The following DGKH variants were observed in gnomAD, a reference collection of about 807,000 sequenced individuals.
DGKH encodes the protein diacylglycerol kinase eta, also known as DAG kinase eta.
Under a neutral mutation model 159.3 loss-of-function variants are expected in DGKH, and 90 were observed. The observed-to-expected ratio is 0.57, with a 90% confidence interval of 0.48 to 0.67. The LOEUF (loss-of-function observed/expected upper bound fraction) is 0.67, where lower values mean the gene tolerates loss of function less well. Ranked by LOEUF, DGKH falls within the 30% of genes least tolerant of loss-of-function variation. DGKH has a pLI of 0.00. For missense variants in DGKH, 1,181 were observed against 1,506.1 expected (o/e 0.78, Z 3.57); for synonymous variants, 536 against 553.8 (o/e 0.97, Z 0.45).
chr13:42,166,009 G>C (rs1334810464), intron 8 of DGKH, among the ~76,000 whole-genome samples: 1 of 152,036 alleles, frequency 6.6e-6, no homozygotes, highest in Non-Finnish European at 1.5e-5. Context: ...AGCAACTGTG[G>C]ATTTTGATAT....
rs2137909023 is a variant in DGKH, at chr13:42,146,002, C to A, written c.385-9289C>A. On this transcript the variant is annotated intron_variant, in intron 3 of 29. Transcript: ENST00000337343. ...TTCAAAATTCCGCCAGTAAAGGGTG[C>A]TAATAATAACTAATTTTTCCCAATT... Among the ~76,000 whole-genome samples, 3 of 152,224 alleles carry A rather than the reference C, an allele frequency of 2.0e-5. 1 individual carries two copies. In the East Asian group the frequency reaches 5.8e-4, roughly 29 times the overall value.
At chr13:42,217,776 G>A (rs1957838962) in intron 26 of DGKH, among the ~76,000 whole-genome samples, 1 of 152,076 alleles carries the variant, frequency 6.6e-6, no homozygotes, top group East Asian at 1.9e-4. Context: ...GCTCACGCCT[G>A]TAATTCCGGC....
intron 8 of DGKH, among the ~76,000 whole-genome samples, 169 bp downstream of exon 8, chr13:42,165,602 T>C (rs183176319): frequency 6.6e-6 from 1 of 152,278 alleles, no homozygotes; most frequent in Non-Finnish European, 1.5e-5. Context: ...AAAGAATATA[T>C]TTAAGTGAAA....
chr13:42,155,872 G>C, intron 5 of DGKH, 73 bp downstream of exon 5: 1 of 1,572,368 alleles, frequency 6.4e-7, no homozygotes, highest in Admixed American at 1.7e-5. Flanking sequence ...TGGTTTTATT[G>C]TAGCTTAAAA....
intron 13 of DGKH, among the ~76,000 whole-genome samples, chr13:42,182,743 T>C (rs1164665084): frequency 1.3e-5 from 2 of 152,210 alleles, no homozygotes; most frequent in African/African-American, 2.4e-5. Flanking sequence ...TGTGTGTGTG[T>C]GTGCTTGTGT....
intron 13 of DGKH, among the ~76,000 whole-genome samples, chr13:42,186,276 TG>T (rs1234797474): frequency 6.6e-6 from 1 of 152,238 alleles, no homozygotes; most frequent in Admixed American, 6.5e-5. Flanking sequence ...TTAAAAAAGC[TG>T]GTCATATACC....
intron 1 of DGKH, among the ~76,000 whole-genome samples, chr13:42,120,014 C>T (rs1315103152): frequency 1.3e-5 from 2 of 152,174 alleles, no homozygotes; most frequent in Non-Finnish European, 2.9e-5. Flanking sequence ...CTTTTGACCT[C>T]TCTCTATGGC....
intron 13 of DGKH, among the ~76,000 whole-genome samples, chr13:42,182,409 T>C (rs894382409): frequency 6.6e-5 from 10 of 152,146 alleles, no homozygotes; most frequent in Non-Finnish European, 4.4e-5. Flanking sequence ...CCTCCCTCTC[T>C]ATCCATGGGG....
intron 1 of DGKH, among the ~76,000 whole-genome samples, chr13:42,042,906 C>T (rs921949368): frequency 1.3e-5 from 2 of 152,058 alleles, no homozygotes; most frequent in Non-Finnish European, 2.9e-5. Flanking sequence ...GACAATTTAT[C>T]CAAATTACTA....
intron 1 of DGKH, among the ~76,000 whole-genome samples, chr13:42,085,199 G>A (rs1954279226): frequency 6.6e-6 from 1 of 151,948 alleles, no homozygotes; most frequent in Non-Finnish European, 1.5e-5. Flanking sequence ...AGTCTTTATA[G>A]GGCATGCGAA....
chr13:42,083,565 A>G (rs941618609), intron 1 of DGKH, among the ~76,000 whole-genome samples: 1 of 152,224 alleles, frequency 6.6e-6, no homozygotes, highest in Non-Finnish European at 1.5e-5. Flanking sequence ...GTAGGCGTGG[A>G]AGTACCTTCC....
intron 27 of DGKH, 137 bp downstream of exon 27, chr13:42,219,486 G>GCC: frequency 7.2e-7 from 1 of 1,381,170 alleles, no homozygotes; most frequent in Non-Finnish European, 9.8e-7. Flanking sequence ...TTGAACAAAT[G>GCC]AGAAAAGGCA....
chr13:42,048,022 G>C (rs1880920580), upstream of DGKH, among the ~76,000 whole-genome samples: 1 of 151,680 alleles, frequency 6.6e-6, no homozygotes. The surrounding 1 kb of genome is among the most constrained non-coding windows in gnomAD (Gnocchi z 6.7). Context: ...GCGCCGGATG[G>C]GGGTGGGGGT....
At chr13:42,058,924 C>A (rs1881945383) in intron 1 of DGKH, among the ~76,000 whole-genome samples, 1 of 152,132 alleles carries the variant, frequency 6.6e-6, no homozygotes, top group Non-Finnish European at 1.5e-5. Context: ...TGGATTTTGA[C>A]ATGAGGGGGA....
intron 23 of DGKH, 35 bp from the exon 24 acceptor site, chr13:42,210,567 A>T (rs778265895): frequency 1.3e-6 from 2 of 1,597,028 alleles, no homozygotes; most frequent in South Asian, 2.3e-5. Context: ...CTGAGTTCTA[A>T]ACTAACAATT....
intron 20 of DGKH, among the ~76,000 whole-genome samples, chr13:42,202,549 A>G (rs1246006428): frequency 6.6e-6 from 1 of 152,252 alleles, no homozygotes; most frequent in Non-Finnish European, 1.5e-5. Flanking sequence ...AAATTGATAA[A>G]ATAATGATTT....
chr13:42,219,465 A>G, intron 27 of DGKH, 116 bp downstream of exon 27: 1 of 1,449,842 alleles, frequency 6.9e-7, no homozygotes, highest in East Asian at 2.3e-5. Context: ...CTACTTTCAA[A>G]TGTTCTGTTC....
At chr13:42,215,004 A>G (rs147452706) in intron 25 of DGKH, among the ~76,000 whole-genome samples, 2 of 152,108 alleles carry the variant, frequency 1.3e-5, no homozygotes, top group Non-Finnish European at 2.9e-5. Context: ...GAAGTTATGC[A>G]CTGAAATTAT....
chr13:42,190,565 A>G (rs780296912), intron 16 of DGKH, 40 bp downstream of exon 16: 28 of 1,554,134 alleles, frequency 1.8e-5, no homozygotes, highest in East Asian at 2.4e-5. Flanking sequence ...AATTAAATAA[A>G]ATGTCATTTT....
Sources: allele counts gnomAD v4.1 joint callset (sites outside exome capture counted in the v4.1 genomes callset), GRCh38; gene constraint gnomAD v4.1.1; non-coding constraint Gnocchi (gnomAD v3.1); transcripts MANE v1.5; gene names NCBI Gene and HGNC (gene_info 2026-07-23, HGNC 2026-07-21).